Variants in ZCCHC7 observed in about 807,000 individuals in gnomAD.
The protein encoded by ZCCHC7 is zinc finger CCHC domain-containing protein 7.
ZCCHC7 carries 35 observed loss-of-function variants against 52.0 expected under a neutral mutation model. The ratio of observed to expected loss-of-function variants is 0.67; its 90% CI spans 0.51 to 0.89. The LOEUF (loss-of-function observed/expected upper bound fraction) is 0.89, where lower values mean the gene tolerates loss of function less well. ZCCHC7 is among the 40% of genes least tolerant of loss of function. ZCCHC7 has a pLI of 0.00. For missense variants in ZCCHC7, 574 were observed against 649.1 expected (o/e 0.88, Z 1.26); for synonymous variants, 217 against 221.5 (o/e 0.98, Z 0.18).
intron 2 of ZCCHC7, among the ~76,000 whole-genome samples, chr9:37,146,608 TTCC>T (rs1255239668): frequency 2.0e-5 from 3 of 151,956 alleles, no homozygotes; most frequent in Non-Finnish European, 4.4e-5. Context: ...CAGTGGTAAC[TTCC>T]TCATGTGGTT....
intron 2 of ZCCHC7, among the ~76,000 whole-genome samples, chr9:37,139,330 C>T (rs991218831): frequency 6.6e-6 from 1 of 151,960 alleles, no homozygotes; most frequent in South Asian, 2.1e-4. Flanking sequence ...ATTGGGCATC[C>T]ACCATGTATT....
intron 2 of ZCCHC7, among the ~76,000 whole-genome samples, chr9:37,155,001 C>G (rs1165245128): frequency 6.6e-6 from 1 of 152,180 alleles, no homozygotes; most frequent in Non-Finnish European, 1.5e-5. Context: ...AGACAAACCT[C>G]ATTGCATTTA....
intron 5 of ZCCHC7, among the ~76,000 whole-genome samples, chr9:37,312,948 C>T (rs140768956): frequency 6.6e-6 from 1 of 152,008 alleles, no homozygotes; most frequent in African/African-American, 2.4e-5. Flanking sequence ...AACAAAGTAA[C>T]TTAGATGTGT....
At chr9:37,304,355 C>G in intron 4 of ZCCHC7, 42 bp downstream of exon 4, 2 of 1,599,964 alleles carry the variant, frequency 1.3e-6, no homozygotes, top group Non-Finnish European at 1.7e-6. Context: ...TTTGTAAACT[C>G]AAAATCTCAA....
At chr9:37,146,642 A>G (rs1445493754) in intron 2 of ZCCHC7, among the ~76,000 whole-genome samples, 1 of 151,948 alleles carries the variant, frequency 6.6e-6, no homozygotes, top group Non-Finnish European at 1.5e-5. Flanking sequence ...CAAAAAGGAA[A>G]GTAGTTTCTT....
rs757872136 is a variant in ZCCHC7 at position 37,126,639 on chromosome 9, TGTAAA to T, written c.309_313del (p.Cys103TrpfsTer5). ...GTCTGATGAAGACAGTATTTATAGA[TGTAAA>T]GGAAAGAATGTTAGAGTTCAAGCAC... is the stretch of plus-strand genomic sequence containing the variant. On this transcript the variant is annotated frameshift_variant, in exon 2 of 9. Transcript: ENST00000336755. LOFTEE classifies it high-confidence loss of function. 6.2e-7 allele frequency: 1 copy of T among 1,614,154 alleles called. No individual in the cohort carries two copies.
At chr9:37,134,258 A>G (rs1157492136) in intron 2 of ZCCHC7, among the ~76,000 whole-genome samples, 2 of 151,686 alleles carry the variant, frequency 1.3e-5, no homozygotes, top group East Asian at 3.9e-4. Flanking sequence ...CCTTTTTTTA[A>G]TTTCTTGTAA....
At chr9:37,278,036 GT>G (rs1554723055) in intron 2 of ZCCHC7, among the ~76,000 whole-genome samples, 3 of 97,728 alleles carry the variant, frequency 3.1e-5, no homozygotes, top group African/African-American at 1.3e-4. Context: ...GTGTGTGTGT[GT>G]TTTGTTTTGT....
intron 2 of ZCCHC7, among the ~76,000 whole-genome samples, chr9:37,252,377 C>A (rs762454756): frequency 6.6e-6 from 1 of 152,134 alleles, no homozygotes; most frequent in Non-Finnish European, 1.5e-5. Context: ...AAATATGCAT[C>A]CCAAATGAGC....
chr9:37,255,014 G>GTA (rs972503600), intron 2 of ZCCHC7, among the ~76,000 whole-genome samples: 39 of 151,862 alleles, frequency 2.6e-4, no homozygotes, highest in Non-Finnish European at 4.9e-4. Context: ...TGTTTATACT[G>GTA]TAGTCTACCC....
At chr9:37,261,715 G>A (rs1826874821) in intron 2 of ZCCHC7, among the ~76,000 whole-genome samples, 1 of 152,146 alleles carries the variant, frequency 6.6e-6, no homozygotes. Flanking sequence ...AACTCACAAG[G>A]AAGTGAAATT....
chr9:37,191,927 G>T (rs543949900), intron 2 of ZCCHC7, among the ~76,000 whole-genome samples: 1 of 152,184 alleles, frequency 6.6e-6, no homozygotes, highest in Non-Finnish European at 1.5e-5. Flanking sequence ...GTCCTTTGGG[G>T]GCAGAGCTGT....
chr9:37,310,713 T>C lies in ZCCHC7; in HGVS notation c.951+4999T>C, dbSNP rs150885534. 3.0e-3 allele frequency among the ~76,000 whole-genome samples: 462 copies of C among 152,236 alleles called. 3 individuals carry two copies. The highest frequency in any genetic ancestry group is 3.1e-3 in the Non-Finnish European group (209 of 68,026). On this transcript the variant is annotated intron_variant, in intron 5 of 8. Transcript: ENST00000336755. ...CAACTTTCTTTCTTAAATATGCAGA[T>C]ATTATAGCTCTAATAAGCAACTTTA...
chr9:37,123,232 CGT>C (rs1414316782), intron 1 of ZCCHC7, among the ~76,000 whole-genome samples: 22 of 123,546 alleles, frequency 1.8e-4, no homozygotes, highest in Admixed American at 1.3e-3. Flanking sequence ...TGTGCGTGTG[CGT>C]GTGTGTGTAA....
At chr9:37,237,840 A>T (rs1242934787) in intron 2 of ZCCHC7, among the ~76,000 whole-genome samples, 1 of 152,166 alleles carries the variant, frequency 6.6e-6, no homozygotes, top group African/African-American at 2.4e-5. Context: ...GGATATTTTA[A>T]TGTGTGTATT....
At chr9:37,167,853 A>G (rs1481713647) in intron 2 of ZCCHC7, among the ~76,000 whole-genome samples, 1 of 152,192 alleles carries the variant, frequency 6.6e-6, no homozygotes, top group Non-Finnish European at 1.5e-5. Flanking sequence ...ACTGGTGGAA[A>G]TAGACACTAT....
intron 2 of ZCCHC7, among the ~76,000 whole-genome samples, chr9:37,130,281 G>A (rs1490913378): frequency 5.5e-5 from 7 of 126,534 alleles, no homozygotes; most frequent in Admixed American, 5.1e-4. Context: ...ATGACATAGT[G>A]TTTCACTAAA....
chr9:37,336,526 A>G (rs971220202), intron 6 of ZCCHC7, among the ~76,000 whole-genome samples: 6 of 152,132 alleles, frequency 3.9e-5, no homozygotes, highest in African/African-American at 1.2e-4. Flanking sequence ...GTTGTAAGTC[A>G]TGTGGAGTTA....
At chr9:37,222,190 T>G (rs921229857) in intron 2 of ZCCHC7, among the ~76,000 whole-genome samples, 1 of 151,430 alleles carries the variant, frequency 6.6e-6, no homozygotes, top group Non-Finnish European at 1.5e-5. Context: ...GTCTGAAAAA[T>G]TACTGGGAGA....
Sources: gnomAD v4.1 joint callset for allele counts (sites outside exome capture counted in the v4.1 genomes callset) on GRCh38, gnomAD v4.1.1 for gene constraint, MANE v1.5 for transcripts, NCBI Gene and HGNC (gene_info 2026-07-23, HGNC 2026-07-21) for gene names.